Variants in ANKRD17 observed in about 807,000 individuals in gnomAD.
The protein encoded by ANKRD17 is ankyrin repeat domain-containing protein 17.
Under a neutral mutation model 229.7 loss-of-function variants are expected in ANKRD17, and 19 were observed. That is an observed-to-expected ratio of 0.08 (90% CI 0.06 to 0.12). The LOEUF (loss-of-function observed/expected upper bound fraction) is 0.12. Among genes scored for constraint, ANKRD17 ranks in the 10% least tolerant of loss-of-function variants. ANKRD17 has a pLI of 1.00. For missense variants in ANKRD17, 2,176 were observed against 3,176.8 expected (o/e 0.68, Z 7.57); for synonymous variants, 1,112 against 1,146.1 (o/e 0.97, Z 0.60).
chr4:73,235,495 T>G (rs1178217293), intron 1 of ANKRD17, among the ~76,000 whole-genome samples: 1 of 152,208 alleles, frequency 6.6e-6, no homozygotes, highest in Admixed American at 6.5e-5. Flanking sequence ...TTAAGGGTAG[T>G]TTGACTAATA....
chr4:73,104,412 T>C (rs539159129), intron 24 of ANKRD17, among the ~76,000 whole-genome samples: 90 of 152,288 alleles, frequency 5.9e-4, no homozygotes, highest in African/African-American at 1.9e-3. Flanking sequence ...TTGTTCTGTC[T>C]AGCTTTGATT....
chr4:73,189,458 G>A (rs1036027011), intron 1 of ANKRD17, among the ~76,000 whole-genome samples: 5 of 140,658 alleles, frequency 3.6e-5, no homozygotes, highest in Non-Finnish European at 7.6e-5. Flanking sequence ...GTGCAGTGGC[G>A]CCATCTTGGT....
rs557603620 is a variant in ANKRD17 at position 73,108,120 on chromosome 4, C to A, written c.4402-5573G>T. On this transcript the variant is annotated intron_variant, in intron 24 of 33. Coordinates refer to ENST00000358602, the MANE Select transcript of ANKRD17 (RefSeq NM_032217.5). ...CAGGTGATCCTCCCACCTCCACCTC[C>A]TGAGTAGCTAATTTTCAGGCAAAGG... 2.6e-5 allele frequency among the ~76,000 whole-genome samples: 4 copies of A among 152,230 alleles called. No homozygotes were observed. In the South Asian group the frequency reaches 8.3e-4, roughly 32 times the overall value.
Position 73,120,347 on chromosome 4 carries a change from G to A in ANKRD17, c.3850-10C>T, listed in dbSNP as rs117704761. ...GTGGTGTGAGACCAGTCTAAGTTTA[G>A]TGTAAAATTAAAAGTAATGACACGT... On this transcript the variant is annotated splice_polypyrimidine_tract_variant and intron_variant, in intron 20 of 33. Coordinates refer to ENST00000358602, the MANE Select transcript of ANKRD17 (RefSeq NM_032217.5). 1.4e-4 allele frequency: 223 copies of A among 1,611,892 alleles called. 2 individuals are homozygous for A. In the East Asian group the frequency reaches 5.0e-3, roughly 36 times the overall value.
chr4:73,098,581 T>C lies in ANKRD17; in HGVS notation c.4574-61A>G, dbSNP rs534841171. 4.1e-5 allele frequency: 60 copies of C among 1,480,778 alleles called. No individual in the cohort carries two copies. The South Asian group carries it at 7.6e-4, about 19-fold the overall frequency. 91.7% of individuals were successfully genotyped at this position (1,480,778 alleles called of 1,614,324 possible). On this transcript the variant is annotated intron_variant, in intron 25 of 33. Coordinates refer to ENST00000358602, the MANE Select transcript of ANKRD17 (RefSeq NM_032217.5). ...AGTGTTCCCAGAATGTATTTAGCTA[T>C]AAGCACTTGAAGAAAAGAAAAACCC...
intron 8 of ANKRD17, among the ~76,000 whole-genome samples, chr4:73,148,014 A>C (rs962764597): frequency 1.3e-5 from 2 of 152,172 alleles, no homozygotes; most frequent in South Asian, 4.1e-4. Flanking sequence ...CACACGTATT[A>C]ACTATCACAA....
rs758517191 is a variant in ANKRD17 at position 73,135,236 on chromosome 4, T to C, written c.3115A>G (p.Asn1039Asp). The C allele has an allele frequency of 9.3e-6, 15 of 1,613,272 alleles. No homozygotes were observed. The highest frequency in any genetic ancestry group is 1.2e-5 in the Non-Finnish European group (14 of 1,179,508). The change falls in exon 16 of 34, where the codon AAC (asparagine) becomes GAC (aspartate). Residue 1039 changes from asparagine (N) to aspartate (D), a missense_variant. Asn to Asp is a conservative substitution (Grantham distance 23). Coordinates refer to ENST00000358602, the MANE Select transcript of ANKRD17 (RefSeq NM_032217.5). The stretch of plus-strand genomic sequence containing the variant: ...GCAGCAATACTGTGGGTAGGAGTGT[T>C]TGACATTGCAGATGCTCTTCCACTG... ...AVSGRASAMS[N>D]TPTHSIAASI... is the part of the protein sequence containing the mutation.
At position 73,121,662 on chromosome 4, in the gene ANKRD17, T is replaced by C; in HGVS notation, c.3590A>G (p.Asn1197Ser). ...TGCATTTAGTAATATTTTGATGATG[T>C]TCACATAGCCACCAGAAGCAGCCAG... is the stretch of plus-strand genomic sequence containing the variant. ...LSLAASGGYV[N>S]IIKILLNAGA... is the part of the protein sequence containing the mutation. Residue 1197 changes from asparagine to serine, a missense_variant, in exon 19 of 34, where the codon AAC (asparagine) becomes AGC (serine). Asn to Ser is a conservative substitution (Grantham distance 46). Transcript: ENST00000358602. 1.2e-6 allele frequency: 2 copies of C among 1,613,808 alleles called. No individual in the cohort carries two copies. The highest frequency in any genetic ancestry group is 2.2e-5 in the East Asian group (1 of 44,838).
At chr4:73,227,215 G>A (rs564596166) in intron 1 of ANKRD17, among the ~76,000 whole-genome samples, 3 of 151,752 alleles carry the variant, frequency 2.0e-5, no homozygotes, top group South Asian at 2.1e-4. Context: ...GTGCAGTGGC[G>A]CAGTTTCAGC....
chr4:73,093,138 C>T (rs1332591947), intron 28 of ANKRD17, among the ~76,000 whole-genome samples: 1 of 152,092 alleles, frequency 6.6e-6, no homozygotes, highest in African/African-American at 2.4e-5. Context: ...ATTAGCTCTC[C>T]TATATAATGC....
intron 1 of ANKRD17, among the ~76,000 whole-genome samples, chr4:73,183,942 T>A (rs2149029610): frequency 6.6e-6 from 1 of 152,324 alleles, no homozygotes; most frequent in Middle Eastern, 3.4e-3. Flanking sequence ...CTTTTTCACT[T>A]TCTCCCCAAA....
At chr4:73,193,527 T>TC in intron 1 of ANKRD17, among the ~76,000 whole-genome samples, 1 of 152,194 alleles carries the variant, frequency 6.6e-6, no homozygotes, top group Non-Finnish European at 1.5e-5. Flanking sequence ...TTCTGGCTTT[T>TC]CCCCCCTTTG....
chr4:73,212,357 T>A (rs1438098798), intron 1 of ANKRD17, among the ~76,000 whole-genome samples: 5 of 152,196 alleles, frequency 3.3e-5, no homozygotes, highest in African/African-American at 1.2e-4. Flanking sequence ...TAATTCAGCA[T>A]TTCCATTTAC....
At chr4:73,173,425 A>T (rs1734302388) in intron 2 of ANKRD17, among the ~76,000 whole-genome samples, 1 of 152,186 alleles carries the variant, frequency 6.6e-6, no homozygotes, top group South Asian at 2.1e-4. Context: ...TGGACTTAGA[A>T]AGAAAGATGG....
chr4:73,214,469 C>G (rs1348816755), intron 1 of ANKRD17, among the ~76,000 whole-genome samples: 1 of 152,060 alleles, frequency 6.6e-6, no homozygotes, highest in Admixed American at 6.6e-5. Flanking sequence ...TATTTTTAAA[C>G]AACTAAGATG....
intron 1 of ANKRD17, among the ~76,000 whole-genome samples, chr4:73,212,679 C>G (rs1383831673): frequency 2.6e-5 from 4 of 152,002 alleles, no homozygotes; most frequent in Non-Finnish European, 5.9e-5. Flanking sequence ...TTTAAACCCA[C>G]CACATGTTTT....
Position 73,151,416 on chromosome 4 carries a change from TTCA to T in ANKRD17, c.1329+11_1329+13del. 1.2e-6 allele frequency: 2 copies of T among 1,609,856 alleles called. No homozygotes were observed. Among genetic ancestry groups the T allele is most frequent in the Non-Finnish European group, 1.7e-6 (2 of 1,177,430 alleles). On this transcript the variant is annotated intron_variant, in intron 7 of 33. Coordinates refer to ENST00000358602, the MANE Select transcript of ANKRD17 (RefSeq NM_032217.5). ...TAATATATAAACATATTTGACATAT[TTCA>T]CCAATCTTACCATGCAAGCCTCCAT...
intron 2 of ANKRD17, among the ~76,000 whole-genome samples, chr4:73,170,449 T>C (rs5020219): frequency 0.65 from 97,018 of 150,004 alleles, 32,808 homozygotes; most frequent in African/African-American, 0.86. Context: ...CCACCTGCCT[T>C]GGTTGAGATT....
At chr4:73,153,010 T>A (rs913860774) in intron 6 of ANKRD17, among the ~76,000 whole-genome samples, 1 of 152,180 alleles carries the variant, frequency 6.6e-6, no homozygotes, top group Non-Finnish European at 1.5e-5. Context: ...AAAGGCATCA[T>A]ACAACCTTGG....
Sources: gnomAD v4.1 joint callset for allele counts (sites outside exome capture counted in the v4.1 genomes callset) on GRCh38, gnomAD v4.1.1 for gene constraint, MANE v1.5 for transcripts, NCBI Gene and HGNC (gene_info 2026-07-23, HGNC 2026-07-21) for gene names.